The following TBC1D5 variants were observed in gnomAD, a reference collection of about 807,000 sequenced individuals.
TBC1D5 encodes the protein TBC1 domain family, member 5.
A neutral mutation model predicts 100.3 loss-of-function variants in TBC1D5; 75 were observed. That is an observed-to-expected ratio of 0.75 (90% confidence interval 0.62 to 0.91). TBC1D5 has a LOEUF of 0.91. Among genes scored for constraint, TBC1D5 ranks in the 40% least tolerant of loss-of-function variants. TBC1D5 has a pLI of 0.00. For synonymous variants in TBC1D5, 323 were observed against 325.6 expected (o/e 0.99, Z 0.09); for missense variants, 910 against 942.4 (o/e 0.97, Z 0.45).
chr3:17,350,730 AG>A (rs5846958), intron 13 of TBC1D5, among the ~76,000 whole-genome samples: 61,917 of 152,026 alleles, frequency 0.41, 13,240 homozygotes, highest in Middle Eastern at 0.5. Flanking sequence ...GTTAACTATG[AG>A]GAAATTTTTT....
chr3:17,492,597 G>C (rs1212417815), intron 3 of TBC1D5, among the ~76,000 whole-genome samples: 1 of 152,092 alleles, frequency 6.6e-6, no homozygotes, highest in Non-Finnish European at 1.5e-5. Context: ...ACCAGGTCTG[G>C]TTAATTTTTG....
chr3:17,352,806 T>G (rs1019395781), intron 13 of TBC1D5, among the ~76,000 whole-genome samples: 1 of 151,808 alleles, frequency 6.6e-6, no homozygotes, highest in Non-Finnish European at 1.5e-5. Context: ...TCCAGAAATA[T>G]GAGTTGTACG....
chr3:17,725,833 T>C (rs1189470762), intron 1 of TBC1D5, among the ~76,000 whole-genome samples: 1 of 152,130 alleles, frequency 6.6e-6, no homozygotes, highest in African/African-American at 2.4e-5. Flanking sequence ...CAGTACTCAA[T>C]AGGTACTTTT....
At position 17,637,188 on chromosome 3, in the gene TBC1D5, ATTTTTTTTTTTTT is replaced by A. The variant is rs1186523023; in HGVS notation, c.-100-13288_-100-13276del. Among the ~76,000 whole-genome samples, 16 of 95,482 alleles carry A rather than the reference ATTTTTTTTTTTTT, an allele frequency of 1.7e-4. No homozygotes were observed. In the South Asian group the frequency reaches 3.1e-3, roughly 19 times the overall value. 62.6% of individuals were successfully genotyped at this position (95,482 alleles called of 152,430 possible). On this transcript the variant is annotated intron_variant, in intron 1 of 21. Transcript: ENST00000253692. ...GGGTGTGTGCCACCATGCCCGACTA[ATTTTTTTTTTTTT>A]TTTTTTTTTTTTTTTTTTATTTAGT...
At chr3:17,544,400 C>G (rs778013542) in intron 2 of TBC1D5, among the ~76,000 whole-genome samples, 2 of 152,104 alleles carry the variant, frequency 1.3e-5, no homozygotes, top group Non-Finnish European at 2.9e-5. Flanking sequence ...CGCTTGTAAT[C>G]CCGGCACTCT....
intron 2 of TBC1D5, among the ~76,000 whole-genome samples, chr3:17,523,417 G>C (rs1306685272): frequency 2.6e-5 from 4 of 152,120 alleles, no homozygotes; most frequent in African/African-American, 9.7e-5. Context: ...TGTATTAAAA[G>C]GAGCTCTAAC....
chr3:17,235,410 C>A (rs2075776602), intron 17 of TBC1D5, among the ~76,000 whole-genome samples: 1 of 152,184 alleles, frequency 6.6e-6, no homozygotes, highest in Non-Finnish European at 1.5e-5. Flanking sequence ...ATTACATTAT[C>A]TTTCCTCAAA....
intron 4 of TBC1D5, chr3:17,406,762 T>C (rs2093781473): frequency 4.3e-6 from 2 of 460,084 alleles, no homozygotes; most frequent in East Asian, 7.5e-5. Context: ...TCATAATGTC[T>C]ATGGAGGCTA....
At chr3:17,348,473 A>G (rs1040075252) in intron 13 of TBC1D5, among the ~76,000 whole-genome samples, 3 of 151,876 alleles carry the variant, frequency 2.0e-5, no homozygotes, top group Non-Finnish European at 4.4e-5. Context: ...TGGTCCTCGC[A>G]CTACACTCTG....
intron 2 of TBC1D5, among the ~76,000 whole-genome samples, chr3:17,564,881 G>A (rs1576737397): frequency 6.6e-6 from 1 of 151,880 alleles, no homozygotes; most frequent in African/African-American, 2.4e-5. Flanking sequence ...GGGAAAAAAA[G>A]AAGAAAAAAA....
chr3:17,188,415 T>C (rs1278938424), intron 18 of TBC1D5, among the ~76,000 whole-genome samples: 2 of 152,100 alleles, frequency 1.3e-5, no homozygotes, highest in Non-Finnish European at 2.9e-5. Flanking sequence ...AAAGGCAACT[T>C]TGAATCAGAT....
At chr3:17,398,842 T>A (rs1178835816) in intron 8 of TBC1D5, among the ~76,000 whole-genome samples, 2 of 152,100 alleles carry the variant, frequency 1.3e-5, no homozygotes, top group African/African-American at 4.8e-5. Flanking sequence ...TCAATATAAA[T>A]GTATTGAATA....
chr3:17,233,878 C>A, intron 17 of TBC1D5, 128 bp from the exon 18 acceptor site: 2 of 507,966 alleles, frequency 3.9e-6, no homozygotes, highest in South Asian at 3.9e-5. Flanking sequence ...GAAAATAATG[C>A]ACAAGCTTAG....
In TBC1D5 at chr3:17,690,280, G is replaced by A. The variant is rs1327246389; in HGVS notation, c.-101+49063C>T. Among the ~76,000 whole-genome samples, 2 of 28,962 alleles carry A rather than the reference G, an allele frequency of 6.9e-5. 1 individual carries two copies. Among genetic ancestry groups the A allele is most frequent in the Non-Finnish European group, 1.4e-4 (2 of 13,906 alleles). 19.0% of individuals were successfully genotyped at this position (28,962 alleles called of 152,430 possible). A position where few individuals can be genotyped will look rare whatever the true frequency, so the allele number is the denominator to read the frequency against. ...CGCCCAGGCTGGAGTGCAGTGGCGG[G>A]ATCTCGGCTCACTGCAAGCTCTGCC... On this transcript the variant is annotated intron_variant, in intron 1 of 21. Transcript: ENST00000253692.
At chr3:17,282,061 C>T (rs754300092) in intron 15 of TBC1D5, among the ~76,000 whole-genome samples, 1 of 152,062 alleles carries the variant, frequency 6.6e-6, no homozygotes, top group Non-Finnish European at 1.5e-5. Context: ...GCTAGGTAGT[C>T]ACAGCACTTA....
chr3:17,486,131 A>G (rs1457584051), intron 3 of TBC1D5, among the ~76,000 whole-genome samples: 1 of 152,090 alleles, frequency 6.6e-6, no homozygotes, highest in Admixed American at 6.5e-5. Context: ...TTGGCTGCAT[A>G]AATGTCTTCT....
intron 18 of TBC1D5, among the ~76,000 whole-genome samples, chr3:17,186,216 A>G (rs940692518): frequency 9.2e-5 from 14 of 152,094 alleles, no homozygotes; most frequent in Non-Finnish European, 2.9e-5. Context: ...AAAAGAAGGA[A>G]AAAAAAACCT....
chr3:17,618,963 A>G (rs1276289807), intron 2 of TBC1D5, among the ~76,000 whole-genome samples: 2 of 152,164 alleles, frequency 1.3e-5, no homozygotes, highest in Admixed American at 6.5e-5. Flanking sequence ...GGAAATGCAG[A>G]TATCACCCGT....
At chr3:17,307,931 C>A in intron 14 of TBC1D5, 61 bp downstream of exon 14, 1 of 1,562,496 alleles carries the variant, frequency 6.4e-7, no homozygotes. Flanking sequence ...ATTTAAAAGG[C>A]AAAACATTTT....
Sources: gnomAD v4.1 joint callset for allele counts (sites outside exome capture counted in the v4.1 genomes callset) on GRCh38, gnomAD v4.1.1 for gene constraint, MANE v1.5 for transcripts, NCBI Gene and HGNC (gene_info 2026-07-23, HGNC 2026-07-21) for gene names.